The following TLN2 variants were observed in gnomAD, a reference collection of about 807,000 sequenced individuals.
TLN2 encodes talin-2.
In TLN2, 118 loss-of-function variants were observed where a neutral mutation model predicts 294.7. That is an observed-to-expected ratio of 0.40 (90% confidence interval 0.34 to 0.47). The LOEUF (loss-of-function observed/expected upper bound fraction) is 0.47. Ranked by LOEUF, TLN2 falls within the 20% of genes least tolerant of loss-of-function variation. The pLI is 0.84. For synonymous variants in TLN2, 1,431 were observed against 1,304.5 expected (o/e 1.10, Z -2.09); for missense variants, 3,083 against 3,282.2 (o/e 0.94, Z 1.48).
chr15:62,787,757 A>C (rs1170182656), intron 45 of TLN2, among the ~76,000 whole-genome samples: 1 of 122,072 alleles, frequency 8.2e-6, no homozygotes, highest in Non-Finnish European at 1.6e-5. Context: ...CAATGGTGTG[A>C]TCTCGGCTCA....
intron 9 of TLN2, among the ~76,000 whole-genome samples, chr15:62,668,684 T>C (rs546939007): frequency 5.9e-5 from 9 of 152,302 alleles, no homozygotes; most frequent in African/African-American, 2.2e-4. Context: ...CTGGGCAACT[T>C]AGCATCGCTG....
rs1428713285 is a variant in TLN2 at position 62,513,640 on chromosome 15, G to C, written c.-237-76047G>C. 2.0e-5 allele frequency among the ~76,000 whole-genome samples: 3 copies of C among 152,116 alleles called. No individual in the cohort carries two copies. The East Asian group carries it at 5.8e-4, about 29-fold the overall frequency. ...ATGGCCCATCATTCTTCCCCTGCAG[G>C]GTGATAGTGATGATGAAAAATGAGG... On this transcript the variant is annotated intron_variant, in intron 1 of 58. Transcript: ENST00000636159.
chr15:62,768,924 A>G (rs781536376), intron 41 of TLN2, among the ~76,000 whole-genome samples: 4 of 152,236 alleles, frequency 2.6e-5, no homozygotes, highest in Non-Finnish European at 4.4e-5. Context: ...AGATAAGGAA[A>G]CTGAAGTGGA....
Position 62,717,693 on chromosome 15 carries a change from A to G in TLN2, c.2877+4A>G. On this transcript the variant is annotated splice_donor_region_variant and intron_variant, in intron 24 of 58. Transcript: ENST00000636159. ...GCAGCTGGTCCAGAGTTGCAAGGTG[A>G]GGTTCCAGTGCACAGAGAGCCAGGT... is the stretch of plus-strand genomic sequence containing the variant. 6.4e-7 allele frequency: 1 copy of G among 1,567,316 alleles called. No individual in the cohort carries two copies. Among genetic ancestry groups the G allele is most frequent in the African/African-American group, 1.4e-5 (1 of 73,768 alleles).
chr15:62,465,516 C>T (rs893751396), intron 1 of TLN2, among the ~76,000 whole-genome samples: 30 of 152,092 alleles, frequency 2.0e-4, no homozygotes, highest in African/African-American at 6.8e-4. Context: ...CTGTCGTTCT[C>T]GAAACTATCG....
Position 62,792,742 on chromosome 15 carries a change from C to G in TLN2, c.5838C>G (p.Tyr1946Ter). The change falls in exon 46 of 59, where the codon TAC (tyrosine) becomes TAG (stop). Residue 1946 changes from tyrosine (Y) to a stop codon, truncating the protein, a stop_gained. Transcript: ENST00000636159. LOFTEE classifies it high-confidence loss of function. ...GALQVCPTDS[Y>*]TKRELIECAR... ...TCCAGGTCTGCCCCACAGACAGCTACACCAAGAGGGAGCTGATCGAATGCG... is the reference window on the plus strand; with the variant it reads ...TCCAGGTCTGCCCCACAGACAGCTAGACCAAGAGGGAGCTGATCGAATGCG... The G allele has an allele frequency of 6.2e-7, 1 of 1,614,114 alleles. No homozygotes were observed. The highest frequency in any genetic ancestry group is 8.5e-7 in the Non-Finnish European group (1 of 1,180,040).
intron 28 of TLN2, among the ~76,000 whole-genome samples, chr15:62,736,237 G>A (rs75651931): frequency 8.6e-5 from 13 of 151,532 alleles, no homozygotes; most frequent in African/African-American, 3.2e-4. Context: ...GGAGAATGGC[G>A]TGAACCTGGG....
chr15:62,723,597 A>G (rs1246887960), intron 26 of TLN2, among the ~76,000 whole-genome samples: 1 of 135,022 alleles, frequency 7.4e-6, no homozygotes, highest in Non-Finnish European at 1.5e-5. Context: ...AGACTGGAGT[A>G]CAGTGGTGCA....
intron 11 of TLN2, among the ~76,000 whole-genome samples, chr15:62,679,915 C>T (rs561303311): frequency 6.6e-6 from 1 of 152,210 alleles, no homozygotes; most frequent in Non-Finnish European, 1.5e-5. Flanking sequence ...GTTACTCCAG[C>T]ACCATTTGTT....
Position 62,406,859 on chromosome 15 carries a change from A to G in TLN2, c.-238+16174A>G, listed in dbSNP as rs147074764. Among the ~76,000 whole-genome samples, 124 of 152,234 alleles carry G rather than the reference A, an allele frequency of 8.1e-4. 1 individual carries two copies. The East Asian group carries it at 0.022, about 26-fold the overall frequency. ...GGACAACAATCATATTGAATTAGGG[A>G]CACCCTAATGATCTCATTTCAACTT... On this transcript the variant is annotated intron_variant, in intron 1 of 58. Transcript: ENST00000636159.
chr15:62,714,145 A>G (rs2059613837), intron 22 of TLN2, among the ~76,000 whole-genome samples: 1 of 151,184 alleles, frequency 6.6e-6, no homozygotes, highest in Admixed American at 6.6e-5. Context: ...TAAAAGATGA[A>G]TGCTAATGCC....
chr15:62,595,431 AG>A (rs2046410432), intron 2 of TLN2, among the ~76,000 whole-genome samples: 1 of 150,990 alleles, frequency 6.6e-6, no homozygotes, highest in Non-Finnish European at 1.5e-5. Flanking sequence ...AAAAAAAAAA[AG>A]GATGAAAGAT....
intron 4 of TLN2, among the ~76,000 whole-genome samples, chr15:62,649,031 A>G (rs1412316568): frequency 4.6e-5 from 7 of 151,754 alleles, no homozygotes; most frequent in Non-Finnish European, 1.0e-4. Context: ...TATTTTTTGT[A>G]GATACAAGGT....
intron 28 of TLN2, among the ~76,000 whole-genome samples, chr15:62,727,576 G>A (rs2060506902): frequency 6.6e-6 from 1 of 152,230 alleles, no homozygotes; most frequent in South Asian, 2.1e-4. Context: ...GTGCTAATAG[G>A]TAGAGGCGAG....
intron 25 of TLN2, among the ~76,000 whole-genome samples, 156 bp downstream of exon 25, chr15:62,720,036 G>A (rs2060030537): frequency 1.3e-5 from 2 of 152,272 alleles, no homozygotes; most frequent in South Asian, 4.1e-4. Flanking sequence ...AGTTTCAGGA[G>A]AGGTGGGTTC....
At chr15:62,670,466 A>G (rs2055265045) in intron 9 of TLN2, among the ~76,000 whole-genome samples, 1 of 152,154 alleles carries the variant, frequency 6.6e-6, no homozygotes, top group East Asian at 1.9e-4. Context: ...ATTTTTGCCC[A>G]TGGAGTTGCT....
At chr15:62,545,708 C>A (rs2041959723) in intron 1 of TLN2, among the ~76,000 whole-genome samples, 1 of 152,178 alleles carries the variant, frequency 6.6e-6, no homozygotes, top group Admixed American at 6.5e-5. Context: ...CCATATTGCT[C>A]TGTGTGCATT....
At chr15:62,439,291 T>TACAGA (rs1173125602) in intron 1 of TLN2, among the ~76,000 whole-genome samples, 8 of 152,158 alleles carry the variant, frequency 5.3e-5, no homozygotes, top group African/African-American at 1.9e-4. Flanking sequence ...GATCCTGGGA[T>TACAGA]ACAGAACATT....
At chr15:62,833,890 A>T in intron 55 of TLN2, 1 of 387,894 alleles carries the variant, frequency 2.6e-6, no homozygotes, top group South Asian at 6.0e-5. Context: ...CCTGAACGAG[A>T]TATTTATATT....
Sources: gnomAD v4.1 joint callset for allele counts (sites outside exome capture counted in the v4.1 genomes callset) on GRCh38, gnomAD v4.1.1 for gene constraint, MANE v1.5 for transcripts, NCBI Gene and HGNC (gene_info 2026-07-23, HGNC 2026-07-21) for gene names.